SEPTIN1: variants seen among roughly 807,000 people sequenced by gnomAD.
The protein encoded by SEPTIN1 is septin 1, also known as septin-1.
In SEPTIN1, 52 loss-of-function variants were observed where a neutral mutation model predicts 50.7. The observed-to-expected ratio is 1.03, with a 90% CI of 0.82 to 1.29. The LOEUF is 1.29. Among genes scored for constraint, SEPTIN1 ranks in the 50% most tolerant of loss-of-function variants. The probability of loss-of-function intolerance (pLI) is 0.00; values close to 1 mark genes in which losing one functional copy is unlikely to be tolerated. For synonymous variants in SEPTIN1, 204 were observed against 189.1 expected, an observed-to-expected ratio of 1.08 and a Z score of -0.65; for missense variants, 455 against 490.7, an observed-to-expected ratio of 0.93 and a Z score of 0.69.
chr16:30,381,392 G>A lies in SEPTIN1; in HGVS notation c.402C>T (p.Ile134=). ...RDESGLNRKN[I]QDSRVHCCLY... is the part of the protein sequence containing the mutation. ...GGCAGCAGTGGACTCGGGAGTCCTG[G>A]ATGTTCTTCCGGTTCAGGCCACTCT... Residue 134 remains isoleucine (I), a synonymous_variant, in exon 5 of 11, where the codon ATC becomes ATT. Coordinates refer to ENST00000321367, the MANE Select transcript of SEPTIN1 (RefSeq NM_001365977.2). The surrounding 1 kb of genome is among the most constrained non-coding windows in gnomAD (Gnocchi z 4.3). 6.2e-7 allele frequency: 1 copy of A among 1,613,762 alleles called. No individual in the cohort carries two copies. Among genetic ancestry groups the A allele is most frequent in the Non-Finnish European group, 8.5e-7 (1 of 1,179,896 alleles).
rs2049864946 is a variant in SEPTIN1, at chr16:30,382,511, GTGTA to G, written c.18+10_18+13del. The G allele has an allele frequency of 1.9e-6, 3 of 1,597,386 alleles. No individual in the cohort carries two copies. Among genetic ancestry groups the G allele is most frequent in the African/African-American group, 2.7e-5 (2 of 74,698 alleles). On this transcript the variant is annotated intron_variant, in intron 1 of 10. Coordinates refer to ENST00000321367, the MANE Select transcript of SEPTIN1 (RefSeq NM_001365977.2). The surrounding 1 kb of genome is among the most constrained non-coding windows in gnomAD (Gnocchi z 4.8). Reference sequence around the variant, plus strand: ...GGGGCCGAGATGCCCAGGTTTCTGGGTGTAAGGACTCACCATGACTCCGCCAGCC... The same window carrying G: ...GGGGCCGAGATGCCCAGGTTTCTGGGAGGACTCACCATGACTCCGCCAGCC...
chr16:30,382,613 G>C (rs1179602139), upstream of SEPTIN1: 1 of 1,549,492 alleles, frequency 6.5e-7, no homozygotes. This position sits in a 1 kb window ranked among gnomAD's most constrained non-coding sequence, Gnocchi z 4.8. Context: ...CAAGGGGGCG[G>C]GCAGAAGAGG....
At chr16:30,379,368 G>A in intron 8 of SEPTIN1, 67 bp downstream of exon 8, 2 of 1,475,816 alleles carry the variant, frequency 1.4e-6, no homozygotes, top group Admixed American at 3.4e-5. Context: ...TTCACATGTT[G>A]AGTGCGCCTG....
rs1446536355 is a variant in SEPTIN1 at position 30,379,503 on chromosome 16, C to A, written c.707G>T (p.Cys236Phe). Reference protein sequence around the residue: ...ESIPFAVVGSCEVVRDGGNRP... With the variant: ...ESIPFAVVGSFEVVRDGGNRP... ...GTTCCCGCCATCCCTCACCACCTCG[C>A]ATGATCCCACGACTGCAAAAGGGAT... The change falls in exon 8 of 11, where the codon TGC becomes TTC. Residue 236 changes from cysteine to phenylalanine, a missense_variant. Physicochemically the swap from Cys to Phe is radical, Grantham distance 205. Transcript: ENST00000321367. 1 of 1,613,988 alleles carries A rather than the reference C, an allele frequency of 6.2e-7. No homozygotes were observed. Among genetic ancestry groups the A allele is most frequent in the Non-Finnish European group, 8.5e-7 (1 of 1,180,016 alleles).
chr16:30,378,646 C>A lies in SEPTIN1; in HGVS notation c.996G>T (p.Ala332=), dbSNP rs1451644614. The A allele has an allele frequency of 1.2e-6, 2 of 1,610,232 alleles. No homozygotes were observed. The highest frequency in any genetic ancestry group is 8.5e-7 in the Non-Finnish European group (1 of 1,179,910). ...TCTCGCGGATCAGCTTCTCGGTGTC[C>A]GCCAGAGGCAGCATGGGCAGCGGGA... The part of the protein sequence containing the change: ...TEIPLPMLPL[A]DTEKLIREKD... Residue 332 remains alanine, a synonymous_variant, in exon 10 of 11, where the codon GCG becomes GCT. Coordinates refer to ENST00000321367, the MANE Select transcript of SEPTIN1 (RefSeq NM_001365977.2).
Position 30,378,354 on chromosome 16 carries a change from G to A in SEPTIN1, c.*80C>T. The A allele has an allele frequency of 7.5e-7, 1 of 1,340,172 alleles. No individual in the cohort carries two copies. The highest frequency in any genetic ancestry group is 2.7e-5 in the Admixed American group (1 of 36,554). 83.0% of individuals were successfully genotyped at this position (1,340,172 alleles called of 1,614,324 possible). On this transcript the variant is annotated 3_prime_UTR_variant, in exon 11 of 11. Transcript: ENST00000321367. ...GGCACCCGCGGAGGTCCCGGGGGGCGCTGGGCAGTGTGGGGCGCGGGGATT... is the reference window on the plus strand; with the variant it reads ...GGCACCCGCGGAGGTCCCGGGGGGCACTGGGCAGTGTGGGGCGCGGGGATT...
chr16:30,379,537 G>A lies in SEPTIN1; in HGVS notation c.676-3C>T. The A allele has an allele frequency of 6.2e-7, 1 of 1,612,046 alleles. No homozygotes were observed. The stretch of plus-strand genomic sequence containing the variant: ...ACGACTGCAAAAGGGATGCTTTCCT[G>A]GAGGGCAGGGGGCAGGGGTTCACCA... On this transcript the variant is annotated splice_polypyrimidine_tract_variant and splice_region_variant and intron_variant, in intron 7 of 10. Coordinates refer to ENST00000321367, the MANE Select transcript of SEPTIN1 (RefSeq NM_001365977.2).
At position 30,378,602 on chromosome 16, in the gene SEPTIN1, G is replaced by A. The variant is rs747981524; in HGVS notation, c.1032+8C>T. 4 of 1,611,504 alleles carry A rather than the reference G, an allele frequency of 2.5e-6. No individual in the cohort carries two copies. The highest frequency in any genetic ancestry group is 1.3e-5 in the African/African-American group (1 of 75,024). On this transcript the variant is annotated splice_region_variant and intron_variant, in intron 10 of 10. Coordinates refer to ENST00000321367, the MANE Select transcript of SEPTIN1 (RefSeq NM_001365977.2). Reference sequence around the variant, plus strand: ...CATCGGTCGGGGGGAAGCGAGGTGCGTGCTCACCTCTTCGTCTTTCTCGCG... The same window carrying A: ...CATCGGTCGGGGGGAAGCGAGGTGCATGCTCACCTCTTCGTCTTTCTCGCG...
Position 30,379,549 on chromosome 16 carries a change from G to T in SEPTIN1, c.676-15C>A. The T allele has an allele frequency of 6.2e-6, 10 of 1,602,894 alleles. No individual in the cohort carries two copies. Among genetic ancestry groups the T allele is most frequent in the Non-Finnish European group, 6.0e-6 (7 of 1,170,862 alleles). Reference sequence around the variant, plus strand: ...GGGATGCTTTCCTGGAGGGCAGGGGGCAGGGGTTCACCATTGGCTCACACG... The same window carrying T: ...GGGATGCTTTCCTGGAGGGCAGGGGTCAGGGGTTCACCATTGGCTCACACG... On this transcript the variant is annotated splice_polypyrimidine_tract_variant and intron_variant, in intron 7 of 10. Coordinates refer to ENST00000321367, the MANE Select transcript of SEPTIN1 (RefSeq NM_001365977.2).
At position 30,380,925 on chromosome 16, in the gene SEPTIN1, G is replaced by A. The variant is rs77684658; in HGVS notation, c.573+202C>T. ...TAGGCCTCAGCCAGGCATCTAGCCC[G>A]GGGGCTGCATATGTAGCCTATTTTG... is the stretch of plus-strand genomic sequence containing the variant. On this transcript the variant is annotated intron_variant, in intron 6 of 10. Coordinates refer to ENST00000321367, the MANE Select transcript of SEPTIN1 (RefSeq NM_001365977.2). 2,598 of 611,830 alleles carry A rather than the reference G, an allele frequency of 4.2e-3. 9 individuals carry two copies. The highest frequency in any genetic ancestry group is 5.8e-3 in the Non-Finnish European group (1,981 of 340,120). 37.9% of individuals were successfully genotyped at this position (611,830 alleles called of 1,614,324 possible).
At chr16:30,379,206 C>T (rs376448850) in intron 8 of SEPTIN1, 23 bp from the exon 9 acceptor site, 1 of 1,612,822 alleles carries the variant, frequency 6.2e-7, no homozygotes, top group Non-Finnish European at 8.5e-7. Context: ...CGGCGCGGAC[C>T]AGCGAACGTC....
At chr16:30,380,611 ATTT>A (rs10530997) in intron 6 of SEPTIN1, 112,231 of 158,626 alleles carry the variant, frequency 0.71, 40,111 homozygotes, top group East Asian at 0.92. Context: ...CCAAAAAAAT[ATTT>A]TTTAAGTTAG....
rs374973761 is a variant in SEPTIN1 at position 30,378,245 on chromosome 16, G to T, written c.*189C>A. 14 of 673,754 alleles carry T rather than the reference G, an allele frequency of 2.1e-5. No homozygotes were observed. Among genetic ancestry groups the T allele is most frequent in the African/African-American group, 9.1e-5 (5 of 55,212 alleles). The allele number at this position is 673,754 out of a possible 1,614,324, so 41.7% of individuals were successfully genotyped here. A position where few individuals can be genotyped will look rare whatever the true frequency, so the allele number is the denominator to read the frequency against. On this transcript the variant is annotated 3_prime_UTR_variant, in exon 11 of 11. Coordinates refer to ENST00000321367, the MANE Select transcript of SEPTIN1 (RefSeq NM_001365977.2). ...GTGCAGGCCCCGGGCCGGGAAGTGG[G>T]CGGTGTCTGGGTGGGCGGGACCAGC...
Position 30,382,262 on chromosome 16 carries a change from A to C in SEPTIN1, c.109+13T>G. On this transcript the variant is annotated intron_variant, in intron 2 of 10. Transcript: ENST00000321367. The surrounding 1 kb of genome is among the most constrained non-coding windows in gnomAD (Gnocchi z 4.8). ...ACATCCCCTCCGCAGTTCCCTCTCC[A>C]AAACCCCCAGACCTGCCACCATTAG... 6.2e-7 allele frequency: 1 copy of C among 1,613,338 alleles called. No individual in the cohort carries two copies. Among genetic ancestry groups the C allele is most frequent in the Middle Eastern group, 1.6e-4 (1 of 6,062 alleles).
In SEPTIN1 at chr16:30,379,419, G is replaced by T; in HGVS notation, c.775+16C>A. On this transcript the variant is annotated intron_variant, in intron 8 of 10. Coordinates refer to ENST00000321367, the MANE Select transcript of SEPTIN1 (RefSeq NM_001365977.2). Reference sequence around the variant, plus strand: ...GCTCCCTGCTGGCCTTAGGACCCCTGCCTGGCCTCACTCACCCTCCACGGT... The same window carrying T: ...GCTCCCTGCTGGCCTTAGGACCCCTTCCTGGCCTCACTCACCCTCCACGGT... The T allele has an allele frequency of 6.2e-7, 1 of 1,607,976 alleles. No individual in the cohort carries two copies. The highest frequency in any genetic ancestry group is 8.5e-7 in the Non-Finnish European group (1 of 1,174,842).
At position 30,382,146 on chromosome 16, in the gene SEPTIN1, TTGA is replaced by T. The variant is rs754490038; in HGVS notation, c.140_142del (p.Ile47del). On this transcript the variant is annotated inframe_deletion, in exon 3 of 11. Coordinates refer to ENST00000321367, the MANE Select transcript of SEPTIN1 (RefSeq NM_001365977.2). This position sits in a 1 kb window ranked among gnomAD's most constrained non-coding sequence, Gnocchi z 4.8. ...ATAGAGGTTGGTGAGGAAGAGGCTG[TTGA>T]TGAGGGTGGATTTCCCTAGGCCTGA... The T allele has an allele frequency of 6.3e-7, 1 of 1,598,032 alleles. No individual in the cohort carries two copies. Among genetic ancestry groups the T allele is most frequent in the South Asian group, 1.1e-5 (1 of 89,252 alleles).
rs1443698665 is a variant in SEPTIN1 at position 30,379,577 on chromosome 16, A to AATGG, written c.676-44_676-43insCCAT. The AATGG allele has an allele frequency of 2.7e-6, 4 of 1,456,250 alleles. No homozygotes were observed. In the Admixed American group the frequency reaches 6.7e-5, roughly 25 times the overall value. The allele number at this position is 1,456,250 out of a possible 1,614,324, so 90.2% of individuals were successfully genotyped here. ...GGGGTTCACCATTGGCTCACACGGC[A>AATGG]GAAACTTTCTCTTTCCCAGCTTCAA... On this transcript the variant is annotated intron_variant, in intron 7 of 10. Coordinates refer to ENST00000321367, the MANE Select transcript of SEPTIN1 (RefSeq NM_001365977.2).
At position 30,378,250 on chromosome 16, in the gene SEPTIN1, G is replaced by T; in HGVS notation, c.*184C>A. On this transcript the variant is annotated 3_prime_UTR_variant, in exon 11 of 11. Transcript: ENST00000321367. The stretch of plus-strand genomic sequence containing the variant: ...GGCCCCGGGCCGGGAAGTGGGCGGT[G>T]TCTGGGTGGGCGGGACCAGCGCCGG... 1.5e-6 allele frequency: 1 copy of T among 676,024 alleles called. No individual in the cohort carries two copies. Among genetic ancestry groups the T allele is most frequent in the Non-Finnish European group, 2.6e-6 (1 of 391,422 alleles). The allele number at this position is 676,024 out of a possible 1,614,324, so 41.9% of individuals were successfully genotyped here.
chr16:30,378,548 ACCTGGCG>A, intron 10 of SEPTIN1, 28 bp from the exon 11 acceptor site: 1 of 1,601,472 alleles, frequency 6.2e-7, no homozygotes, highest in Non-Finnish European at 8.5e-7. Flanking sequence ...GCAGGCGGTG[ACCTGGCG>A]AAGCCAGAGG....
Sources: gnomAD v4.1 joint callset for allele counts on GRCh38, gnomAD v4.1.1 for gene constraint, Gnocchi (gnomAD v3.1) non-coding constraint, MANE v1.5 for transcripts, NCBI Gene and HGNC (gene_info 2026-07-23, HGNC 2026-07-21) for gene names.